Variants in CDH18 observed in about 807,000 individuals in gnomAD.
CDH18 encodes cadherin-18.
A neutral mutation model predicts 67.9 loss-of-function variants in CDH18; 31 were observed. The ratio of observed to expected loss-of-function variants is 0.46; its 90% CI spans 0.34 to 0.62. The LOEUF (loss-of-function observed/expected upper bound fraction) is 0.62. CDH18 is among the 20% of genes least tolerant of loss of function. CDH18 has a pLI of 0.01. For missense variants in CDH18, 890 were observed against 975.5 expected (o/e 0.91, Z 1.17); for synonymous variants, 362 against 347.2 (o/e 1.04, Z -0.48).
intron 2 of CDH18, among the ~76,000 whole-genome samples, chr5:20,096,372 A>C (rs1217023265): frequency 2.0e-5 from 3 of 152,168 alleles, no homozygotes; most frequent in African/African-American, 7.2e-5. Context: ...CTTCAGAAAA[A>C]AATGTACCAC....
chr5:20,335,516 A>T (rs1167093982), intron 1 of CDH18, among the ~76,000 whole-genome samples: 7 of 152,042 alleles, frequency 4.6e-5, no homozygotes, highest in Admixed American at 3.3e-4. Flanking sequence ...ACTTTTCTTT[A>T]AGGTCACATT....
At chr5:19,696,040 A>T (rs1259958708) in intron 5 of CDH18, among the ~76,000 whole-genome samples, 7 of 151,824 alleles carry the variant, frequency 4.6e-5, no homozygotes, top group Non-Finnish European at 8.8e-5. Context: ...GTAATTTTTT[A>T]AAAAACTTTA....
At chr5:19,539,880 C>G (rs1195137304) in intron 9 of CDH18, among the ~76,000 whole-genome samples, 2 of 152,238 alleles carry the variant, frequency 1.3e-5, no homozygotes, top group African/African-American at 4.8e-5. Flanking sequence ...TGGGGACACA[C>G]AGCCAAACCA....
At chr5:20,159,521 T>C (rs958228625) in intron 2 of CDH18, among the ~76,000 whole-genome samples, 2 of 152,178 alleles carry the variant, frequency 1.3e-5, no homozygotes, top group African/African-American at 4.8e-5. Context: ...AATAACTCTT[T>C]TGTACGTTTT....
intron 1 of CDH18, among the ~76,000 whole-genome samples, chr5:20,271,016 A>C (rs970305804): frequency 6.6e-6 from 1 of 152,072 alleles, no homozygotes; most frequent in African/African-American, 2.4e-5. Context: ...GAGGATCAAG[A>C]GAGATAACTA....
chr5:20,557,456 ATAAT>A (rs1216724656), intron 1 of CDH18, among the ~76,000 whole-genome samples: 1 of 152,150 alleles, frequency 6.6e-6, no homozygotes, highest in Non-Finnish European at 1.5e-5. Context: ...TATGTGATAA[ATAAT>A]CCAGCATTTT....
chr5:19,475,842 C>A (rs967535811), intron 12 of CDH18, among the ~76,000 whole-genome samples: 1 of 151,988 alleles, frequency 6.6e-6, no homozygotes, highest in Non-Finnish European at 1.5e-5. Context: ...GGTTATCTAA[C>A]TCTGATAAAG....
At chr5:19,690,448 G>A (rs1761712090) in intron 5 of CDH18, among the ~76,000 whole-genome samples, 1 of 151,244 alleles carries the variant, frequency 6.6e-6, no homozygotes, top group East Asian at 1.9e-4. Context: ...AAATAATAAA[G>A]ACCAGAGAAG....
At chr5:20,111,462 A>G (rs1747450172) in intron 2 of CDH18, among the ~76,000 whole-genome samples, 1 of 150,758 alleles carries the variant, frequency 6.6e-6, no homozygotes, top group African/African-American at 2.4e-5. Context: ...TGTCCCTACT[A>G]TGGCCAAACC....
intron 1 of CDH18, among the ~76,000 whole-genome samples, chr5:20,341,037 A>G (rs1171679153): frequency 6.6e-6 from 1 of 152,144 alleles, no homozygotes; most frequent in African/African-American, 2.4e-5. Flanking sequence ...TCAAGGAAAA[A>G]TTGGCAGGGC....
chr5:19,677,235 C>T (rs1207726851), intron 5 of CDH18, among the ~76,000 whole-genome samples: 1 of 151,948 alleles, frequency 6.6e-6, no homozygotes, highest in Admixed American at 6.6e-5. Context: ...AAGCCAGAAG[C>T]GATTGGGGAT....
At chr5:20,089,535 C>A (rs2150557289) in intron 2 of CDH18, among the ~76,000 whole-genome samples, 1 of 152,094 alleles carries the variant, frequency 6.6e-6, no homozygotes, top group East Asian at 1.9e-4. Context: ...TGCATTTTGA[C>A]TTAGATAGAT....
chr5:20,385,269 C>T lies in CDH18; in HGVS notation c.-579-129764G>A, dbSNP rs1744224126. Among the ~76,000 whole-genome samples, 2 of 152,138 alleles carry T rather than the reference C, an allele frequency of 1.3e-5. 1 individual carries two copies. The highest frequency in any genetic ancestry group is 4.1e-4 in the South Asian group (2 of 4,826). On this transcript the variant is annotated intron_variant, in intron 1 of 14. Transcript: ENST00000507958. ...TAAAAACTAAATAATTCCCACAGAT[C>T]AGTATGTTCTGGACAAACTCTTTAG...
chr5:19,700,516 T>C (rs565769120), intron 5 of CDH18, among the ~76,000 whole-genome samples: 125 of 152,288 alleles, frequency 8.2e-4, no homozygotes, highest in Non-Finnish European at 1.6e-3. Context: ...AAATGGTTAT[T>C]ACCTTTTCCT....
chr5:20,175,266 C>T (rs77509393), intron 2 of CDH18, among the ~76,000 whole-genome samples: 2,139 of 152,066 alleles, frequency 0.014, 64 homozygotes, highest in African/African-American at 0.049. Context: ...CAACCTATTC[C>T]AGATCAGGTG....
At chr5:19,579,090 C>T (rs1742794455) in intron 7 of CDH18, among the ~76,000 whole-genome samples, 1 of 151,880 alleles carries the variant, frequency 6.6e-6, no homozygotes, top group Admixed American at 6.6e-5. Context: ...CTATCAACCT[C>T]CTTATTAATT....
intron 1 of CDH18, among the ~76,000 whole-genome samples, chr5:20,452,608 G>T (rs536916312): frequency 6.6e-6 from 1 of 152,196 alleles, no homozygotes; most frequent in African/African-American, 2.4e-5. Flanking sequence ...GCAGATTTGA[G>T]GGTGGAGGGT....
intron 1 of CDH18, among the ~76,000 whole-genome samples, chr5:20,336,723 T>TAAAAAAAA (rs1739790772): frequency 9.7e-5 from 1 of 10,320 alleles, no homozygotes; most frequent in Non-Finnish European, 2.4e-4. Context: ...AGCCTCTGTC[T>TAAAAAAAA]CAAAAAAAAA....
chr5:20,305,442 T>C (rs1736334343), intron 1 of CDH18: 1 of 1,520,432 alleles, frequency 6.6e-7, no homozygotes, highest in Admixed American at 1.7e-5. Context: ...TCTCGGCTTT[T>C]GGCCATGTTT....
Sources: allele counts gnomAD v4.1 joint callset (sites outside exome capture counted in the v4.1 genomes callset), GRCh38; gene constraint gnomAD v4.1.1; transcripts MANE v1.5; gene names NCBI Gene and HGNC (gene_info 2026-07-23, HGNC 2026-07-21).